The following VEPH1 variants were observed in gnomAD, a reference collection of about 807,000 sequenced individuals.
The protein encoded by VEPH1 is ventricular zone expressed PH domain containing 1, also known as ventricular zone-expressed PH domain-containing protein homolog 1.
A neutral mutation model predicts 85.2 loss-of-function variants in VEPH1; 80 were observed. The ratio of observed to expected loss-of-function variants is 0.94; its 90% confidence interval spans 0.78 to 1.13. The LOEUF is 1.13. VEPH1 is among the 50% of genes most tolerant of loss of function. VEPH1 has a pLI of 0.00. For missense variants in VEPH1, 955 were observed against 980.5 expected, an observed-to-expected ratio of 0.97 and a Z score of 0.35; for synonymous variants, 297 against 348.0, an observed-to-expected ratio of 0.85 and a Z score of 1.63.
chr3:157,491,439 A>G (rs1001938569), intron 2 of VEPH1, among the ~76,000 whole-genome samples: 4 of 152,196 alleles, frequency 2.6e-5, no homozygotes, highest in African/African-American at 9.7e-5. Context: ...AAATGAAAAG[A>G]CAAAACTTAA....
chr3:157,385,730 T>A (rs926643481), intron 6 of VEPH1, among the ~76,000 whole-genome samples: 1 of 152,204 alleles, frequency 6.6e-6, no homozygotes, highest in Non-Finnish European at 1.5e-5. Context: ...ATTGTGAATA[T>A]TCTTCTTGGA....
chr3:157,352,013 G>C (rs1724918999), intron 9 of VEPH1, among the ~76,000 whole-genome samples: 1 of 152,098 alleles, frequency 6.6e-6, no homozygotes, highest in Non-Finnish European at 1.5e-5. Context: ...TATGTTTAAT[G>C]GTTGTATGTT....
intron 6 of VEPH1, among the ~76,000 whole-genome samples, chr3:157,392,767 G>A (rs1729986373): frequency 6.6e-6 from 1 of 152,222 alleles, no homozygotes; most frequent in South Asian, 2.1e-4. Flanking sequence ...AAAAGGCACA[G>A]CATCTTATTT....
chr3:157,276,703 T>C (rs1370284498), intron 12 of VEPH1, among the ~76,000 whole-genome samples: 2 of 152,176 alleles, frequency 1.3e-5, no homozygotes, highest in Non-Finnish European at 2.9e-5. Flanking sequence ...GGAATTTTGC[T>C]TATTTTTTTA....
intron 5 of VEPH1, among the ~76,000 whole-genome samples, chr3:157,426,162 G>A (rs764707077): frequency 1.3e-5 from 2 of 152,116 alleles, no homozygotes; most frequent in Non-Finnish European, 2.9e-5. Context: ...TTTATCAGCA[G>A]CATGAAAATG....
At chr3:157,267,592 C>T (rs1214999900) in intron 12 of VEPH1, among the ~76,000 whole-genome samples, 6 of 151,776 alleles carry the variant, frequency 4.0e-5, no homozygotes, top group Admixed American at 3.3e-4. Flanking sequence ...TGAGACCAGC[C>T]TGGCCAACTT....
chr3:157,413,495 T>C, intron 6 of VEPH1: 2 of 985,426 alleles, frequency 2.0e-6, no homozygotes, highest in Non-Finnish European at 2.4e-6. Context: ...TGAAATGAGA[T>C]ACAGCTCTTT....
At chr3:157,294,512 T>C (rs1397481279) in intron 11 of VEPH1, among the ~76,000 whole-genome samples, 6 of 152,230 alleles carry the variant, frequency 3.9e-5, no homozygotes, top group African/African-American at 1.4e-4. Context: ...GCACAGTGAT[T>C]TAATGGTGTG....
chr3:157,411,689 A>G (rs959217731), intron 6 of VEPH1, among the ~76,000 whole-genome samples: 3 of 152,178 alleles, frequency 2.0e-5, no homozygotes, highest in South Asian at 2.1e-4. Context: ...GTTCTCTGCT[A>G]TGGGTCCCAG....
chr3:157,348,698 C>T (rs1724517852), intron 9 of VEPH1, among the ~76,000 whole-genome samples: 1 of 152,256 alleles, frequency 6.6e-6, no homozygotes, highest in South Asian at 2.1e-4. Context: ...TGCCTCCACG[C>T]TGCCCTCCTG....
At position 157,471,156 on chromosome 3, in the gene VEPH1, A is replaced by G. The variant is rs139212398; in HGVS notation, c.139-627T>C. On this transcript the variant is annotated intron_variant, in intron 2 of 13. Transcript: ENST00000362010. ...TGCATTAATTTGGATAATTGGTCTG[A>G]CTGTGAACTTCACATGGTGGACTCA... Among the ~76,000 whole-genome samples, 7 of 152,326 alleles carry G rather than the reference A, an allele frequency of 4.6e-5. No individual in the cohort carries two copies. The East Asian group carries it at 1.3e-3, about 29-fold the overall frequency.
chr3:157,498,366 G>T (rs985857031), intron 1 of VEPH1, among the ~76,000 whole-genome samples: 2 of 152,108 alleles, frequency 1.3e-5, no homozygotes, highest in Non-Finnish European at 2.9e-5. Flanking sequence ...AAGTGTAAAC[G>T]AGCCCTTTAT....
Position 157,495,275 on chromosome 3 carries a change from G to A in VEPH1, c.75C>T (p.Asp25=). 6.2e-7 allele frequency: 1 copy of A among 1,614,020 alleles called. No homozygotes were observed. Among genetic ancestry groups the A allele is most frequent in the Non-Finnish European group, 8.5e-7 (1 of 1,179,924 alleles). ...SRAGDLFSLD[D]SEIEDSLTEA... Reference sequence around the variant, plus strand: ...CTGTAAGGCTGTCTTCAATCTCAGAGTCATCTAAGGAGAAGAGGTCCCCAG... The same window carrying A: ...CTGTAAGGCTGTCTTCAATCTCAGAATCATCTAAGGAGAAGAGGTCCCCAG... Residue 25 remains aspartate, a synonymous_variant, in exon 2 of 14, where the codon GAC becomes GAT. Coordinates refer to ENST00000362010, the MANE Select transcript of VEPH1 (RefSeq NM_001167912.2).
chr3:157,440,996 C>A (rs185237738), intron 4 of VEPH1, among the ~76,000 whole-genome samples: 1 of 152,330 alleles, frequency 6.6e-6, no homozygotes, highest in East Asian at 1.9e-4. Context: ...TTGGTCTATT[C>A]AGCTCTTAAG....
chr3:157,373,758 C>T (rs905238553), intron 7 of VEPH1, among the ~76,000 whole-genome samples: 1 of 152,192 alleles, frequency 6.6e-6, no homozygotes, highest in South Asian at 2.1e-4. Context: ...ATGGGTGCCT[C>T]ATGAAAAGCT....
At chr3:157,470,677 C>T (rs1550651) in intron 2 of VEPH1, 148 bp from the exon 3 acceptor site, 420,745 of 682,210 alleles carry the variant, frequency 0.62, 131,808 homozygotes, top group African/African-American at 0.78. Flanking sequence ...ATAAAGGCTT[C>T]CTTCCTTGGA....
chr3:157,415,591 G>A (rs531470775), intron 5 of VEPH1, among the ~76,000 whole-genome samples: 105 of 152,078 alleles, frequency 6.9e-4, no homozygotes, highest in Non-Finnish European at 1.1e-3. Context: ...TAGCCACAAT[G>A]GTGTTTTTTC....
intron 9 of VEPH1, among the ~76,000 whole-genome samples, chr3:157,360,562 C>T (rs908650693): frequency 2.0e-5 from 3 of 151,920 alleles, no homozygotes; most frequent in Non-Finnish European, 2.9e-5. Context: ...GTCCCCATAA[C>T]CCCATTGTAA....
intron 7 of VEPH1, among the ~76,000 whole-genome samples, chr3:157,374,843 A>G (rs559579808): frequency 6.6e-6 from 1 of 152,246 alleles, no homozygotes; most frequent in Non-Finnish European, 1.5e-5. Flanking sequence ...GGGGAGGAAT[A>G]GGCAAAAGTT....
Sources: gnomAD v4.1 joint callset for allele counts (sites outside exome capture counted in the v4.1 genomes callset) on GRCh38, gnomAD v4.1.1 for gene constraint, MANE v1.5 for transcripts, NCBI Gene and HGNC (gene_info 2026-07-23, HGNC 2026-07-21) for gene names.